Variants in CDK11B observed in about 807,000 individuals in gnomAD.
CDK11B encodes the protein cyclin dependent kinase 11B.
A neutral mutation model predicts 84.0 loss-of-function variants in CDK11B; 37 were observed. The observed-to-expected ratio is 0.44, with a 90% CI of 0.34 to 0.58. The LOEUF is 0.58. CDK11B is among the 20% of genes least tolerant of loss of function. The pLI is 0.02. For synonymous variants in CDK11B, 269 were observed against 309.8 expected (o/e 0.87, Z 1.38); for missense variants, 427 against 834.0 (o/e 0.51, Z 6.01).
intron 3 of CDK11B, among the ~76,000 whole-genome samples, chr1:1,653,848 A>ACC (rs1642354159): frequency 1.3e-5 from 2 of 149,884 alleles, no homozygotes; most frequent in African/African-American, 2.5e-5. Context: ...ACACACACAC[A>ACC]CACACACACA....
At chr1:1,647,368 G>A (rs374974286) in intron 5 of CDK11B, among the ~76,000 whole-genome samples, 6 of 152,394 alleles carry the variant, frequency 3.9e-5, no homozygotes, top group African/African-American at 9.6e-5. Flanking sequence ...TGTTACCACC[G>A]AGGCCTGTCT....
chr1:1,653,190 A>G (rs1480119209), intron 3 of CDK11B, among the ~76,000 whole-genome samples: 1 of 151,168 alleles, frequency 6.6e-6, no homozygotes, highest in Non-Finnish European at 1.5e-5. Context: ...ACACCCGGCT[A>G]ATTTTTTTAT....
At chr1:1,638,319 G>T (rs1639695547) in intron 12 of CDK11B, among the ~76,000 whole-genome samples, 181 bp downstream of exon 12, 1 of 152,112 alleles carries the variant, frequency 6.6e-6, no homozygotes, top group Non-Finnish European at 1.5e-5. Context: ...CAGGCCGCCT[G>T]CTACTGCAAG....
intron 5 of CDK11B, chr1:1,646,785 T>C (rs369775747): frequency 6.5e-4 from 339 of 519,920 alleles, no homozygotes; most frequent in African/African-American, 5.7e-3. Flanking sequence ...TTTTGATTCC[T>C]GGCTGATGGT....
intron 4 of CDK11B, among the ~76,000 whole-genome samples, chr1:1,651,213 G>A (rs1265093575): frequency 6.6e-6 from 1 of 152,190 alleles, no homozygotes; most frequent in Non-Finnish European, 1.5e-5. Context: ...TTTGGGGTGT[G>A]TTTTTCTCCT....
rs188330435 is a variant in CDK11B at position 1,637,055 on chromosome 1, G to T, written c.1692+26C>A. On this transcript the variant is annotated intron_variant, in intron 15 of 19. Transcript: ENST00000341832. ...AGTGGGCCCCGGCAGGTCTCCCTGG[G>T]ATGGGCCACTCGGAGGGGGGCTCAC... 1.5e-3 allele frequency: 2,345 copies of T among 1,613,478 alleles called. 28 individuals are homozygous for T. The African/African-American group carries it at 0.027, about 19-fold the overall frequency.
chr1:1,653,343 T>G (rs1171141362), intron 3 of CDK11B, among the ~76,000 whole-genome samples: 1 of 151,868 alleles, frequency 6.6e-6, no homozygotes, highest in Non-Finnish European at 1.5e-5. Flanking sequence ...TTTTTTCAGA[T>G]AGAATCTCGC....
intron 1 of CDK11B, among the ~76,000 whole-genome samples, chr1:1,657,886 C>G (rs1434753731): frequency 2.8e-5 from 1 of 36,302 alleles, no homozygotes; most frequent in African/African-American, 1.3e-4. Flanking sequence ...GCCTAGATAA[C>G]AAAGTAAGAC....
intron 4 of CDK11B, among the ~76,000 whole-genome samples, chr1:1,650,163 G>A (rs1412331487): frequency 2.3e-4 from 34 of 148,536 alleles, no homozygotes; most frequent in Middle Eastern, 3.5e-3. Flanking sequence ...CCAGCTACTC[G>A]GGAGGCTGAG....
chr1:1,650,593 C>T (rs1641873779), intron 4 of CDK11B, among the ~76,000 whole-genome samples: 2 of 149,502 alleles, frequency 1.3e-5, no homozygotes, highest in Non-Finnish European at 3.0e-5. Flanking sequence ...TCTTGATGTT[C>T]TGACCTCGTG....
At chr1:1,650,094 C>T (rs1328892258) in intron 4 of CDK11B, among the ~76,000 whole-genome samples, 7 of 150,512 alleles carry the variant, frequency 4.7e-5, no homozygotes, top group African/African-American at 4.9e-5. Context: ...CACGGTGAAA[C>T]CCCATCTCTA....
intron 17 of CDK11B, 22 bp from the exon 18 acceptor site, chr1:1,636,503 A>G (rs754973460): frequency 4.4e-6 from 7 of 1,604,638 alleles, no homozygotes; most frequent in Non-Finnish European, 6.0e-6. Context: ...AGGTGCTTCA[A>G]CAGCCACACC....
chr1:1,639,229 C>G (rs946471679), intron 11 of CDK11B, among the ~76,000 whole-genome samples: 6 of 151,810 alleles, frequency 4.0e-5, no homozygotes, highest in Admixed American at 3.9e-4. Context: ...GTGTGAGCCA[C>G]TGTGCCCGGT....
rs576361990 is a variant in CDK11B, at chr1:1,648,950, G to T, written c.494+549C>A. On this transcript the variant is annotated intron_variant, in intron 5 of 19. Transcript: ENST00000341832. ...CGCCCGGCCGGACATGCAGATTTCT[G>T]ATCCCTTCATTGTCTTCCCTCAATC... Among the ~76,000 whole-genome samples, 4 of 151,938 alleles carry T rather than the reference G, an allele frequency of 2.6e-5. No individual in the cohort carries two copies. In the South Asian group the frequency reaches 6.2e-4, roughly 24 times the overall value.
chr1:1,653,441 C>T (rs2100982435), intron 3 of CDK11B, among the ~76,000 whole-genome samples: 1 of 152,190 alleles, frequency 6.6e-6, no homozygotes, highest in Admixed American at 6.5e-5. Flanking sequence ...CTGCCTCAGC[C>T]TCCTGAGTAG....
At chr1:1,652,658 A>G (rs1642159716) in intron 3 of CDK11B, 92 bp from the exon 4 acceptor site, 2 of 928,316 alleles carry the variant, frequency 2.2e-6, no homozygotes, top group Non-Finnish European at 1.5e-6. Flanking sequence ...AGAAAAATGC[A>G]TGATTCAGAC....
Position 1,640,286 on chromosome 1 carries a change from C to T in CDK11B, c.1242G>A (p.Pro414=), listed in dbSNP as rs376847409. The change falls in exon 11 of 20, where the codon CCG becomes CCA. Residue 414 remains proline, a synonymous_variant. Coordinates refer to ENST00000341832, the MANE Select transcript of CDK11B (RefSeq NM_033486.3). ...GAGGGGAGGGCCTGACCTGCAGGGC[C>T]GGCAGGTACTTGGGCAGCTCCTGCT... ...ELKQELPKYL[P]ALQGCRSVEE... The T allele has an allele frequency of 5.8e-4, 929 of 1,613,446 alleles. 1 individual carries two copies. Among genetic ancestry groups the T allele is most frequent in the Non-Finnish European group, 7.1e-4 (841 of 1,179,612 alleles).
At chr1:1,657,321 C>T (rs1417395034) in intron 2 of CDK11B, 54 bp downstream of exon 2, 21 of 1,612,918 alleles carry the variant, frequency 1.3e-5, no homozygotes, top group Non-Finnish European at 1.8e-5. Context: ...AAAATGAGGG[C>T]AAAGAAATTA....
At chr1:1,641,153 G>T in intron 9 of CDK11B, 40 bp from the exon 10 acceptor site, 1 of 1,476,232 alleles carries the variant, frequency 6.8e-7, no homozygotes, top group Non-Finnish European at 9.0e-7. Context: ...CCAGCACCGG[G>T]GCGAGTGCTG....
Sources: allele counts gnomAD v4.1 joint callset (sites outside exome capture counted in the v4.1 genomes callset), GRCh38; gene constraint gnomAD v4.1.1; transcripts MANE v1.5; gene names NCBI Gene and HGNC (gene_info 2026-07-23, HGNC 2026-07-21).